The following JMJD1C variants were observed in gnomAD, a reference collection of about 807,000 sequenced individuals.
JMJD1C encodes jumonji domain containing 1C.
In JMJD1C, 31 loss-of-function variants were observed where a neutral mutation model predicts 245.3. The observed-to-expected ratio is 0.13, with a 90% CI of 0.09 to 0.17. JMJD1C has a LOEUF of 0.17. JMJD1C is among the 10% of genes least tolerant of loss of function. The probability of loss-of-function intolerance (pLI) is 1.00; values close to 1 mark genes in which losing one functional copy is unlikely to be tolerated. For synonymous variants in JMJD1C, 1,057 were observed against 1,017.4 expected (o/e 1.04, Z -0.74); for missense variants, 2,691 against 3,000.2 (o/e 0.90, Z 2.41).
intron 3 of JMJD1C, among the ~76,000 whole-genome samples, chr10:63,235,539 C>T (rs1362074264): frequency 1.3e-5 from 2 of 152,018 alleles, no homozygotes; most frequent in African/African-American, 4.8e-5. Flanking sequence ...GAACACAAAA[C>T]CAAAATTCAG....
chr10:63,378,796 C>T (rs554334301), intron 2 of JMJD1C, among the ~76,000 whole-genome samples: 1 of 152,088 alleles, frequency 6.6e-6, no homozygotes, highest in East Asian at 1.9e-4. Context: ...TAAAATCATG[C>T]TTTTGGGTTA....
At chr10:63,338,501 A>T (rs1943053266) in intron 2 of JMJD1C, among the ~76,000 whole-genome samples, 1 of 151,924 alleles carries the variant, frequency 6.6e-6, no homozygotes. Flanking sequence ...TTTCAGATAA[A>T]ATTTAAGTAG....
At position 63,252,308 on chromosome 10, in the gene JMJD1C, G is replaced by A. The variant is rs1014561274; in HGVS notation, c.447+12343C>T. ...GGTCTGGTCAAACATCATTCCAGATGTTGCTCTGGAAGTATTTTTAGATGT... is the reference window on the plus strand; with the variant it reads ...GGTCTGGTCAAACATCATTCCAGATATTGCTCTGGAAGTATTTTTAGATGT... On this transcript the variant is annotated intron_variant, in intron 3 of 25. Coordinates refer to ENST00000399262, the MANE Select transcript of JMJD1C (RefSeq NM_032776.3). 3.9e-5 allele frequency among the ~76,000 whole-genome samples: 6 copies of A among 152,178 alleles called. No homozygotes were observed. In the South Asian group the frequency reaches 1.0e-3, roughly 26 times the overall value.
At chr10:63,271,015 G>A (rs1856231803) in intron 2 of JMJD1C, among the ~76,000 whole-genome samples, 1 of 152,058 alleles carries the variant, frequency 6.6e-6, no homozygotes, top group Admixed American at 6.6e-5. Context: ...CCACGCTTCT[G>A]TATTACAATT....
At chr10:63,263,933 GAAAA>G (rs1225176795) in intron 3 of JMJD1C, among the ~76,000 whole-genome samples, 4 of 62,732 alleles carry the variant, frequency 6.4e-5, no homozygotes. Flanking sequence ...CTCCATCACG[GAAAA>G]AAAAAAAAAA....
chr10:63,174,359 AAAAG>A (rs1842675936), intron 24 of JMJD1C, among the ~76,000 whole-genome samples: 1 of 152,228 alleles, frequency 6.6e-6, no homozygotes, highest in Non-Finnish European at 1.5e-5. Context: ...CAGCAATAAA[AAAAG>A]AATCAACTGA....
At chr10:63,342,995 G>GA (rs34206459) in intron 2 of JMJD1C, among the ~76,000 whole-genome samples, 4 of 151,998 alleles carry the variant, frequency 2.6e-5, no homozygotes, top group Non-Finnish European at 5.9e-5. Context: ...TCTAAAACCT[G>GA]AAAAAATCCA....
At chr10:63,347,384 C>A (rs2134263342) in intron 2 of JMJD1C, among the ~76,000 whole-genome samples, 1 of 149,264 alleles carries the variant, frequency 6.7e-6, no homozygotes, top group African/African-American at 2.5e-5. Flanking sequence ...GAGTTCCAGA[C>A]CAGCCTGCCC....
intron 1 of JMJD1C, among the ~76,000 whole-genome samples, chr10:63,478,489 C>G (rs866694358): frequency 1.3e-5 from 2 of 152,114 alleles, no homozygotes; most frequent in African/African-American, 4.8e-5. Context: ...CTGCGTTTGG[C>G]GAATCCTCAA....
chr10:63,288,278 A>C (rs2133923875), intron 2 of JMJD1C, among the ~76,000 whole-genome samples: 1 of 152,284 alleles, frequency 6.6e-6, no homozygotes, highest in East Asian at 1.9e-4. Flanking sequence ...GGCTTCTCTC[A>C]CTTAGTAAAA....
chr10:63,396,496 G>A (rs545746680), intron 1 of JMJD1C, among the ~76,000 whole-genome samples: 8 of 152,240 alleles, frequency 5.3e-5, no homozygotes, highest in African/African-American at 1.7e-4. Context: ...CTATAGAAAC[G>A]CTGCCAACTT....
Position 63,257,253 on chromosome 10 carries a change from A to G in JMJD1C, c.447+7398T>C, listed in dbSNP as rs559434078. On this transcript the variant is annotated intron_variant, in intron 3 of 25. Transcript: ENST00000399262. ...AAAAAAAAAAAAAAAAAGAAAGAAA[A>G]GGAAAAAGAAAAAGAGAATAGAAAG... 1.1e-3 allele frequency among the ~76,000 whole-genome samples: 161 copies of G among 151,670 alleles called. 1 individual carries two copies. The highest frequency in any genetic ancestry group is 3.7e-3 in the African/African-American group (155 of 41,408).
At chr10:63,287,568 T>C (rs1858141178) in intron 2 of JMJD1C, among the ~76,000 whole-genome samples, 1 of 152,156 alleles carries the variant, frequency 6.6e-6, no homozygotes. Flanking sequence ...GAAATAGAAA[T>C]GTTTAGTCTA....
intron 2 of JMJD1C, among the ~76,000 whole-genome samples, chr10:63,329,818 G>T (rs779502983): frequency 6.6e-6 from 1 of 152,204 alleles, no homozygotes; most frequent in African/African-American, 2.4e-5. Flanking sequence ...TATTACAAAG[G>T]GTAAACAACA....
intron 2 of JMJD1C, among the ~76,000 whole-genome samples, chr10:63,367,080 TA>T (rs1379205917): frequency 6.6e-6 from 1 of 152,178 alleles, no homozygotes; most frequent in Non-Finnish European, 1.5e-5. Flanking sequence ...TGTAAATCTT[TA>T]AACAGTTATT....
intron 3 of JMJD1C, among the ~76,000 whole-genome samples, chr10:63,224,978 C>T (rs1466110231): frequency 6.6e-6 from 1 of 151,858 alleles, no homozygotes; most frequent in Non-Finnish European, 1.5e-5. Flanking sequence ...AGGAGAATCG[C>T]TTGAACCCAG....
intron 2 of JMJD1C, among the ~76,000 whole-genome samples, chr10:63,298,533 T>C (rs2133978768): frequency 6.6e-6 from 1 of 152,294 alleles, no homozygotes; most frequent in South Asian, 2.1e-4. Context: ...ATAAGAACCC[T>C]AGATTAAGGG....
chr10:63,321,449 G>A (rs1244238241), intron 2 of JMJD1C, among the ~76,000 whole-genome samples: 3 of 152,154 alleles, frequency 2.0e-5, no homozygotes, highest in African/African-American at 4.8e-5. Context: ...GGTAGACAGC[G>A]TGAAAAAATA....
At chr10:63,343,931 G>T (rs1275218667) in intron 2 of JMJD1C, among the ~76,000 whole-genome samples, 1 of 152,030 alleles carries the variant, frequency 6.6e-6, no homozygotes, top group Non-Finnish European at 1.5e-5. Flanking sequence ...CCAGCTACTT[G>T]GGAGGCTGAG....
Sources: allele counts gnomAD v4.1 joint callset (sites outside exome capture counted in the v4.1 genomes callset), GRCh38; gene constraint gnomAD v4.1.1; transcripts MANE v1.5; gene names NCBI Gene and HGNC (gene_info 2026-07-23, HGNC 2026-07-21).